Variants in GALNT3 observed in about 807,000 individuals in gnomAD.
GALNT3 encodes polypeptide N-acetylgalactosaminyltransferase 3, also known as GalNAc transferase 3.
GALNT3 carries 51 observed loss-of-function variants against 69.8 expected under a neutral mutation model. The ratio of observed to expected loss-of-function variants is 0.73; its 90% CI spans 0.58 to 0.92. GALNT3 has a LOEUF of 0.92. Ranked by LOEUF, GALNT3 falls within the 40% of genes least tolerant of loss-of-function variation. GALNT3 has a pLI of 0.00. For synonymous variants in GALNT3, 265 were observed against 248.5 expected (o/e 1.07, Z -0.63); for missense variants, 711 against 760.0 (o/e 0.94, Z 0.76).
At chr2:165,764,126 C>G (rs13422985) in intron 3 of GALNT3, among the ~76,000 whole-genome samples, 59,524 of 151,866 alleles carry the variant, frequency 0.39, 12,964 homozygotes, top group Non-Finnish European at 0.5. Flanking sequence ...GTTAAATTAG[C>G]CTTGTGATTC....
rs1291968477 is a variant in GALNT3 at position 165,754,677 on chromosome 2, C to A, written c.1576G>T (p.Gly526Ter). ...GTATACATAATTAATGGTTTGCCTCCTTGATTGTTTTCTCCAACATCCAGA... is the reference window on the plus strand; with the variant it reads ...GTATACATAATTAATGGTTTGCCTCATTGATTGTTTTCTCCAACATCCAGA... ...LCLDVGENNQ[G>*]GKPLIMYTCH... The change falls in exon 9 of 11, where the codon GGA becomes TGA. Residue 526 changes from glycine (G) to a stop codon, truncating the protein, a stop_gained. Coordinates refer to ENST00000392701, the MANE Select transcript of GALNT3 (RefSeq NM_004482.4). LOFTEE classifies it high-confidence loss of function. 2.5e-6 allele frequency: 4 copies of A among 1,613,586 alleles called. No individual in the cohort carries two copies. In the South Asian group the frequency reaches 4.4e-5, roughly 18 times the overall value.
In GALNT3 at chr2:165,762,997, C is replaced by T. The variant is rs139429331; in HGVS notation, c.689-943G>A. ...TTTTTTTTTTTTAGAGACGGGGTTT[C>T]ATCATGTTGCCCAGGCTGGTCTGGA... On this transcript the variant is annotated intron_variant, in intron 3 of 10. Transcript: ENST00000392701. 2.9e-3 allele frequency among the ~76,000 whole-genome samples: 425 copies of T among 148,688 alleles called. 1 individual carries two copies. Among genetic ancestry groups the T allele is most frequent in the African/African-American group, 1.0e-2 (402 of 40,278 alleles).
intron 6 of GALNT3, chr2:165,758,532 T>A: frequency 2.3e-6 from 1 of 429,936 alleles, no homozygotes; most frequent in South Asian, 3.1e-5. Context: ...ACACAGGAGT[T>A]TAACTGATTC....
rs201855584 is a variant in GALNT3, at chr2:165,749,863, C to T, written c.1658G>A (p.Arg553Gln). 8.1e-6 allele frequency: 13 copies of T among 1,613,324 alleles called. No individual in the cohort carries two copies. The highest frequency in any genetic ancestry group is 4.5e-5 in the East Asian group (2 of 44,868). ...YFEYSAQHEI[R>Q]HNIQKELCLH... ...ACATAATTCCTTCTGGATGTTGTGC[C>T]GAATTTCATGTTGAGCAGAGTATTC... Residue 553 changes from arginine to glutamine, a missense_variant, in exon 10 of 11, where the codon CGG becomes CAG. Transcript: ENST00000392701.
chr2:165,777,331 T>C (rs1177933557), intron 1 of GALNT3, among the ~76,000 whole-genome samples: 3 of 152,176 alleles, frequency 2.0e-5, no homozygotes, highest in Non-Finnish European at 4.4e-5. Context: ...AGATTATAGA[T>C]TAAGAAAAGT....
Position 165,761,897 on chromosome 2 carries a change from A to G in GALNT3, c.838+8T>C, listed in dbSNP as rs1264115009. The G allele has an allele frequency of 3.7e-6, 6 of 1,613,994 alleles. No homozygotes were observed. Among genetic ancestry groups the G allele is most frequent in the Non-Finnish European group, 5.1e-6 (6 of 1,179,872 alleles). On this transcript the variant is annotated splice_region_variant and intron_variant, in intron 4 of 10. Transcript: ENST00000392701. The stretch of plus-strand genomic sequence containing the variant: ...ATGTTACAACCATATCCATACATAT[A>G]TACTTACAGTGAGCATCTAAAAATG...
Position 165,761,752 on chromosome 2 carries a change from C to T in GALNT3, c.838+153G>A, listed in dbSNP as rs1968294. On this transcript the variant is annotated intron_variant, in intron 4 of 10. Transcript: ENST00000392701. ...AGGAATTTTCTCCACAGAGCTGTTA[C>T]CTGCTTGGGCTGTCATTGCTATAAT... 0.46 allele frequency: 375,019 copies of T among 816,918 alleles called. 87,722 individuals carry two copies. The highest frequency in any genetic ancestry group is 0.49 in the Non-Finnish European group (231,549 of 468,050). The allele number at this position is 816,918 out of a possible 1,614,324, so 50.6% of individuals were successfully genotyped here.
At chr2:165,782,248 C>T (rs1237828303) in intron 1 of GALNT3, among the ~76,000 whole-genome samples, 1 of 152,110 alleles carries the variant, frequency 6.6e-6, no homozygotes, top group Non-Finnish European at 1.5e-5. Flanking sequence ...GCTCTCCTAT[C>T]ACATGGTCCT....
chr2:165,765,527 T>A (rs1419232542), intron 2 of GALNT3, among the ~76,000 whole-genome samples: 2 of 151,976 alleles, frequency 1.3e-5, no homozygotes, highest in Non-Finnish European at 2.9e-5. Context: ...TCTCTCTCTG[T>A]CGCCCAGGCT....
intron 1 of GALNT3, among the ~76,000 whole-genome samples, chr2:165,772,584 C>CAAACAAA (rs1688771694): frequency 1.5e-5 from 1 of 66,956 alleles, no homozygotes; most frequent in Non-Finnish European, 2.6e-5. Flanking sequence ...GACTCTGTCT[C>CAAACAAA]AAAAAAAAAA....
At chr2:165,768,644 A>G (rs896026764) in intron 2 of GALNT3, among the ~76,000 whole-genome samples, 3 of 152,226 alleles carry the variant, frequency 2.0e-5, no homozygotes, top group African/African-American at 7.2e-5. Context: ...TGGATCCAGT[A>G]TTGATAATCC....
At chr2:165,769,345 G>A (rs1688706448) in intron 2 of GALNT3, among the ~76,000 whole-genome samples, 1 of 148,472 alleles carries the variant, frequency 6.7e-6, no homozygotes, top group Non-Finnish European at 1.5e-5. Context: ...GGCAGAGGTT[G>A]CAGTGAGCCG....
At chr2:165,794,613 C>T (rs1405392916), upstream of GALNT3, 2 of 152,296 alleles carry the variant, frequency 1.3e-5, no homozygotes, top group East Asian at 3.8e-4. Flanking sequence ...AAGGGGTGCG[C>T]TGCCTCCGAG....
Position 165,764,865 on chromosome 2 carries a change from T to C in GALNT3, c.688+19A>G. 1 of 1,613,168 alleles carries C rather than the reference T, an allele frequency of 6.2e-7. No homozygotes were observed. The highest frequency in any genetic ancestry group is 8.5e-7 in the Non-Finnish European group (1 of 1,179,318). ...AATATGGATTTGGGAAACAATCTAA[T>C]TTGCATGTGCTTTCTTACCATCTAC... On this transcript the variant is annotated intron_variant, in intron 3 of 10. Coordinates refer to ENST00000392701, the MANE Select transcript of GALNT3 (RefSeq NM_004482.4).
At chr2:165,791,664 G>T (rs1683354529) in intron 1 of GALNT3, among the ~76,000 whole-genome samples, 1 of 152,132 alleles carries the variant, frequency 6.6e-6, no homozygotes, top group Non-Finnish European at 1.5e-5. Context: ...AAGGCACTGG[G>T]TAGCTGCCTC....
chr2:165,789,900 CAACT>C (rs1683307599), intron 1 of GALNT3, among the ~76,000 whole-genome samples: 1 of 152,186 alleles, frequency 6.6e-6, no homozygotes, highest in Non-Finnish European at 1.5e-5. Context: ...GGCTTTGCTC[CAACT>C]GAGTTCAAGT....
chr2:165,771,971 G>T (rs1347551975), intron 1 of GALNT3, among the ~76,000 whole-genome samples: 1 of 152,092 alleles, frequency 6.6e-6, no homozygotes, highest in Non-Finnish European at 1.5e-5. Context: ...TTTCAGTATG[G>T]AGTGGATACT....
In GALNT3 at chr2:165,749,726, A is replaced by G; in HGVS notation, c.1779+16T>C. 1 of 1,610,490 alleles carries G rather than the reference A, an allele frequency of 6.2e-7. No homozygotes were observed. Among genetic ancestry groups the G allele is most frequent in the African/African-American group, 1.3e-5 (1 of 74,940 alleles). On this transcript the variant is annotated intron_variant, in intron 10 of 10. Transcript: ENST00000392701. ...AGAAAAATAGTTAAATAGATGAATTAATTGCACTGAGGTACCTTCTGGATC... is the reference window on the plus strand; with the variant it reads ...AGAAAAATAGTTAAATAGATGAATTGATTGCACTGAGGTACCTTCTGGATC...
chr2:165,780,641 G>GTT (rs773206913), intron 1 of GALNT3, among the ~76,000 whole-genome samples: 4 of 103,634 alleles, frequency 3.9e-5, no homozygotes, highest in African/African-American at 1.0e-4. Flanking sequence ...GGTTTGAGGG[G>GTT]TTTTTTTGTT....
Sources: gnomAD v4.1 joint callset for allele counts (sites outside exome capture counted in the v4.1 genomes callset) on GRCh38, gnomAD v4.1.1 for gene constraint, MANE v1.5 for transcripts, NCBI Gene and HGNC (gene_info 2026-07-23, HGNC 2026-07-21) for gene names.